PLCB4: variants seen among roughly 807,000 people sequenced by gnomAD.
PLCB4 encodes the protein 1-phosphatidylinositol 4,5-bisphosphate phosphodiesterase beta-4.
A neutral mutation model predicts 178.8 loss-of-function variants in PLCB4; 77 were observed. The observed-to-expected ratio is 0.43, with a 90% CI of 0.36 to 0.52. PLCB4 has a LOEUF of 0.52. Ranked by LOEUF, PLCB4 falls within the 20% of genes least tolerant of loss-of-function variation. The probability of loss-of-function intolerance (pLI) is 0.00; values close to 1 mark genes in which losing one functional copy is unlikely to be tolerated. For missense variants in PLCB4, 1,024 were observed against 1,453.4 expected (o/e 0.70, Z 4.80); for synonymous variants, 496 against 490.8 (o/e 1.01, Z -0.14).
chr20:9,329,308 C>G (rs949202432), intron 4 of PLCB4, among the ~76,000 whole-genome samples: 3 of 152,110 alleles, frequency 2.0e-5, no homozygotes, highest in African/African-American at 7.2e-5. Context: ...AAAAGGGAAG[C>G]CTTGCCGAAG....
intron 12 of PLCB4, among the ~76,000 whole-genome samples, chr20:9,377,142 A>G (rs1446087331): frequency 1.3e-5 from 2 of 152,168 alleles, no homozygotes; most frequent in Non-Finnish European, 2.9e-5. Context: ...AAGCCAGACG[A>G]TGCCTCTTCT....
chr20:9,224,903 C>T lies in PLCB4; in HGVS notation c.-16+7451C>T, dbSNP rs140330656. ...TGCCACAATCTCATCTTTACCTCAACATGGGCTCTGAAACTAGGTGCATAG... is the reference window on the plus strand; with the variant it reads ...TGCCACAATCTCATCTTTACCTCAATATGGGCTCTGAAACTAGGTGCATAG... On this transcript the variant is annotated intron_variant, in intron 3 of 39. Transcript: ENST00000378473. Among the ~76,000 whole-genome samples, 221 of 152,306 alleles carry T rather than the reference C, an allele frequency of 1.5e-3. 1 individual carries two copies. The highest frequency in any genetic ancestry group is 5.0e-3 in the African/African-American group (208 of 41,558).
chr20:9,424,773 C>T (rs1254014675), intron 28 of PLCB4, among the ~76,000 whole-genome samples: 1 of 152,100 alleles, frequency 6.6e-6, no homozygotes, highest in East Asian at 1.9e-4. Context: ...TAGCAAGGCT[C>T]AGAAATGTAT....
At chr20:9,177,889 T>C (rs952933535) in intron 2 of PLCB4, among the ~76,000 whole-genome samples, 16 of 152,354 alleles carry the variant, frequency 1.1e-4, no homozygotes, top group African/African-American at 2.4e-4. Context: ...AAGATACTTA[T>C]CTCATCTTTC....
intron 1 of PLCB4, among the ~76,000 whole-genome samples, chr20:9,070,911 C>G (rs2089539831): frequency 6.6e-6 from 1 of 152,188 alleles, no homozygotes; most frequent in Non-Finnish European, 1.5e-5. Context: ...GAATTTCTAA[C>G]TCCATTTGAT....
intron 36 of PLCB4, among the ~76,000 whole-genome samples, chr20:9,472,350 TATGCAC>T (rs2044249571): frequency 6.6e-6 from 1 of 152,194 alleles, no homozygotes; most frequent in Non-Finnish European, 1.5e-5. Flanking sequence ...AGGTGATTGG[TATGCAC>T]AGGAAAGTTT....
At chr20:9,462,375 C>T (rs1297072727) in intron 35 of PLCB4, among the ~76,000 whole-genome samples, 2 of 152,214 alleles carry the variant, frequency 1.3e-5, no homozygotes, top group Non-Finnish European at 2.9e-5. Flanking sequence ...AGGATCGCAG[C>T]TCCTTGCCAG....
chr20:9,409,199 G>C lies in PLCB4; in HGVS notation c.1999+18G>C, dbSNP rs765489010. 6.3e-6 allele frequency: 10 copies of C among 1,575,618 alleles called. No homozygotes were observed. ...AACCCCAGGTAGGAGCTGATGTCCAGTGACCCCAAATTCCATGAGAACACT... is the reference window on the plus strand; with the variant it reads ...AACCCCAGGTAGGAGCTGATGTCCACTGACCCCAAATTCCATGAGAACACT... On this transcript the variant is annotated intron_variant, in intron 24 of 39. Coordinates refer to ENST00000378473, the MANE Select transcript of PLCB4 (RefSeq NM_001377142.1).
At chr20:9,197,620 G>A (rs531217951) in intron 2 of PLCB4, among the ~76,000 whole-genome samples, 1 of 152,264 alleles carries the variant, frequency 6.6e-6, no homozygotes, top group South Asian at 2.1e-4. Flanking sequence ...GACCACCCTG[G>A]GACCTGTATA....
chr20:9,171,365 T>C (rs1163891782), intron 2 of PLCB4, among the ~76,000 whole-genome samples: 1 of 152,140 alleles, frequency 6.6e-6, no homozygotes, highest in Non-Finnish European at 1.5e-5. Flanking sequence ...TTCCAGTAGT[T>C]TCAAAAAGTA....
intron 4 of PLCB4, among the ~76,000 whole-genome samples, chr20:9,318,428 C>CA (rs1459741232): frequency 2.7e-5 from 4 of 150,460 alleles, no homozygotes; most frequent in East Asian, 2.0e-4. Flanking sequence ...GTGAGGCATG[C>CA]AAAAAAAACC....
chr20:9,207,863 C>G (rs139948636), intron 2 of PLCB4, among the ~76,000 whole-genome samples: 1 of 152,108 alleles, frequency 6.6e-6, no homozygotes, highest in Non-Finnish European at 1.5e-5. Context: ...TTTCTCTTTC[C>G]TCTTTCAAAA....
chr20:9,108,469 G>GATTAA (rs1444048525), intron 2 of PLCB4, among the ~76,000 whole-genome samples: 4 of 152,102 alleles, frequency 2.6e-5, no homozygotes, highest in Admixed American at 6.6e-5. Flanking sequence ...CAGAGGGGCT[G>GATTAA]TCAAAGAAGA....
intron 35 of PLCB4, 115 bp from the exon 36 acceptor site, chr20:9,468,456 G>A (rs769508720): frequency 1.3e-4 from 89 of 694,062 alleles, no homozygotes; most frequent in Admixed American, 3.0e-4. Context: ...TTGTGTACCC[G>A]TCACTGCCAC....
At chr20:9,273,928 G>C (rs1871889123) in intron 3 of PLCB4, among the ~76,000 whole-genome samples, 1 of 152,028 alleles carries the variant, frequency 6.6e-6, no homozygotes, top group South Asian at 2.1e-4. Flanking sequence ...GAAGACTGCT[G>C]GCAGGATATT....
chr20:9,233,375 G>A (rs2093955576), intron 3 of PLCB4, among the ~76,000 whole-genome samples: 2 of 152,008 alleles, frequency 1.3e-5, no homozygotes, highest in South Asian at 4.1e-4. Flanking sequence ...AGAGAGCAAT[G>A]TACAAAGACA....
intron 9 of PLCB4, among the ~76,000 whole-genome samples, chr20:9,370,169 CA>C (rs2036122372): frequency 6.6e-6 from 1 of 152,154 alleles, no homozygotes; most frequent in Admixed American, 6.5e-5. Context: ...GTGTGTTCAT[CA>C]AGGTGTTATC....
chr20:9,447,074 G>C (rs2042456767), intron 32 of PLCB4, among the ~76,000 whole-genome samples: 1 of 152,166 alleles, frequency 6.6e-6, no homozygotes, highest in South Asian at 2.1e-4. Context: ...CTTTTAAAGT[G>C]GCAATACTAG....
In PLCB4 at chr20:9,338,743, A is replaced by C. The variant is rs572624135; in HGVS notation, c.226-151A>C. The C allele has an allele frequency of 6.3e-4, 385 of 612,794 alleles. 1 individual carries two copies. The highest frequency in any genetic ancestry group is 6.2e-3 in the African/African-American group (331 of 53,524). The allele number at this position is 612,794 out of a possible 1,614,324, so 38.0% of individuals were successfully genotyped here. On this transcript the variant is annotated intron_variant, in intron 6 of 39. Coordinates refer to ENST00000378473, the MANE Select transcript of PLCB4 (RefSeq NM_001377142.1). ...GATTTCAAGGAATATATAGTGTTAC[A>C]AATTTCACCTCTACAGGTTTTAGAA...
Sources: gnomAD v4.1 joint callset for allele counts (sites outside exome capture counted in the v4.1 genomes callset) on GRCh38, gnomAD v4.1.1 for gene constraint, MANE v1.5 for transcripts, NCBI Gene and HGNC (gene_info 2026-07-23, HGNC 2026-07-21) for gene names.